MAST4: variants seen among roughly 807,000 people sequenced by gnomAD.
The protein encoded by MAST4 is microtubule associated serine/threonine kinase family member 4, also known as microtubule-associated serine/threonine-protein kinase 4.
A neutral mutation model predicts 162.7 loss-of-function variants in MAST4; 89 were observed. That is an observed-to-expected ratio of 0.55 (90% CI 0.46 to 0.65). The LOEUF (loss-of-function observed/expected upper bound fraction) is 0.65, where lower values mean the gene tolerates loss of function less well. Among genes scored for constraint, MAST4 ranks in the 30% least tolerant of loss-of-function variants. MAST4 has a pLI of 0.00. For synonymous variants in MAST4, 1,479 were observed against 1,361.1 expected (o/e 1.09, Z -1.91); for missense variants, 3,153 against 3,374.0 (o/e 0.93, Z 1.62).
chr5:67,069,733 T>C (rs757698702), intron 5 of MAST4, among the ~76,000 whole-genome samples: 1 of 152,100 alleles, frequency 6.6e-6, no homozygotes, highest in Non-Finnish European at 1.5e-5. Flanking sequence ...ACATCCCAGT[T>C]TGTGGTAGTT....
rs56870286 is a variant in MAST4 at position 67,030,856 on chromosome 5, T to G, written c.675-23548T>G. On this transcript the variant is annotated intron_variant, in intron 4 of 28. Transcript: ENST00000403625. Reference sequence around the variant, plus strand: ...TTAGTATTTTAGTGCAATAGAACATTGTGCTAAAGAGGCCAAGGTCATGGG... The same window carrying G: ...TTAGTATTTTAGTGCAATAGAACATGGTGCTAAAGAGGCCAAGGTCATGGG... Among the ~76,000 whole-genome samples the G allele has an allele frequency of 3.5e-3, 526 of 152,238 alleles. 2 individuals carry two copies. The highest frequency in any genetic ancestry group is 0.012 in the African/African-American group (486 of 41,538).
chr5:66,711,557 CA>C (rs1252352329), intron 1 of MAST4, among the ~76,000 whole-genome samples: 1 of 152,144 alleles, frequency 6.6e-6, no homozygotes, highest in Non-Finnish European at 1.5e-5. Flanking sequence ...TTTTGAGGCC[CA>C]GAGCAGTGGC....
intron 1 of MAST4, among the ~76,000 whole-genome samples, chr5:66,663,866 G>A (rs1156541316): frequency 1.3e-5 from 2 of 152,202 alleles, no homozygotes; most frequent in Admixed American, 1.3e-4. Context: ...AGGATAGATT[G>A]TGGGAGGCTA....
chr5:66,870,784 CA>C (rs1390191696), intron 3 of MAST4: 1 of 471,480 alleles, frequency 2.1e-6, no homozygotes, highest in Non-Finnish European at 4.4e-6. Context: ...TCAGGAAGGG[CA>C]GCCTCCGAAG....
chr5:66,692,808 A>G (rs1749134383), intron 1 of MAST4, among the ~76,000 whole-genome samples: 1 of 152,122 alleles, frequency 6.6e-6, no homozygotes, highest in Non-Finnish European at 1.5e-5. Context: ...GGGAGTATAT[A>G]CATACTCAAA....
chr5:67,110,077 C>G, intron 10 of MAST4, 21 bp from the exon 11 acceptor site: 1 of 1,562,796 alleles, frequency 6.4e-7, no homozygotes, highest in Non-Finnish European at 8.8e-7. Context: ...CATCATCACT[C>G]TCTTTATTGC....
At chr5:67,099,308 C>T (rs1764768366) in intron 7 of MAST4, among the ~76,000 whole-genome samples, 1 of 151,888 alleles carries the variant, frequency 6.6e-6, no homozygotes, top group Non-Finnish European at 1.5e-5. Context: ...TAGTAGTGCT[C>T]TCATTTTTTT....
chr5:67,015,976 T>C (rs1351171501), intron 4 of MAST4, among the ~76,000 whole-genome samples: 2 of 152,216 alleles, frequency 1.3e-5, no homozygotes, highest in Non-Finnish European at 2.9e-5. Flanking sequence ...ATGCCAAATA[T>C]TTATTGAGTA....
intron 1 of MAST4, among the ~76,000 whole-genome samples, chr5:66,729,984 G>A (rs1023554931): frequency 3.9e-5 from 6 of 152,194 alleles, no homozygotes; most frequent in Admixed American, 3.9e-4. Context: ...GTTGTTCTTT[G>A]AACCTAGGGT....
chr5:67,156,036 G>C (rs1204445348), intron 26 of MAST4, among the ~76,000 whole-genome samples: 2 of 150,470 alleles, frequency 1.3e-5, no homozygotes, highest in African/African-American at 4.9e-5. Flanking sequence ...TCCAGCCTGG[G>C]CGACAGAGTG....
chr5:67,044,020 G>A (rs1473185091), intron 4 of MAST4, among the ~76,000 whole-genome samples: 1 of 152,164 alleles, frequency 6.6e-6, no homozygotes, highest in Non-Finnish European at 1.5e-5. Context: ...GGCCAGCCAG[G>A]TCATAGCCGC....
chr5:67,044,661 C>CA (rs1206833275), intron 4 of MAST4, among the ~76,000 whole-genome samples: 1 of 152,140 alleles, frequency 6.6e-6, no homozygotes, highest in Non-Finnish European at 1.5e-5. Flanking sequence ...CTAAGGCACA[C>CA]ACCAGCATGC....
intron 3 of MAST4, among the ~76,000 whole-genome samples, chr5:66,841,872 T>C (rs964812110): frequency 1.1e-4 from 16 of 152,312 alleles, no homozygotes; most frequent in Middle Eastern, 3.4e-3. Flanking sequence ...CTCATTTCTT[T>C]AAGCTGAGTT....
intron 4 of MAST4, among the ~76,000 whole-genome samples, chr5:66,944,468 AC>A (rs1743746545): frequency 6.6e-6 from 1 of 152,140 alleles, no homozygotes; most frequent in African/African-American, 2.4e-5. Context: ...AGGCTCTAGA[AC>A]TTCTTTCTAA....
rs1774358983 is a variant in MAST4, at chr5:67,169,226, G to A, written c.*2175G>A. The A allele has an allele frequency of 6.6e-6, 1 of 152,118 alleles. No individual in the cohort carries two copies. The highest frequency in any genetic ancestry group is 2.4e-5 in the African/African-American group (1 of 41,420). The allele number at this position is 152,118 out of a possible 1,614,324, so 9.4% of individuals were successfully genotyped here. A position where few individuals can be genotyped will look rare whatever the true frequency, so the allele number is the denominator to read the frequency against. Reference sequence around the variant, plus strand: ...ATTTGTTTACAAATGATATTTTTATGTATATTTTGTATAGTGTATCATCAT... The same window carrying A: ...ATTTGTTTACAAATGATATTTTTATATATATTTTGTATAGTGTATCATCAT... On this transcript the variant is annotated 3_prime_UTR_variant, in exon 29 of 29. Coordinates refer to ENST00000403625, the MANE Select transcript of MAST4 (RefSeq NM_001164664.2).
intron 1 of MAST4, among the ~76,000 whole-genome samples, chr5:66,750,810 T>G (rs1170376707): frequency 6.6e-6 from 1 of 152,236 alleles, no homozygotes; most frequent in South Asian, 2.1e-4. Flanking sequence ...CAAGGAGGCC[T>G]GCCTGCCTCT....
chr5:66,846,269 A>G (rs562255833), intron 3 of MAST4, among the ~76,000 whole-genome samples: 1 of 152,208 alleles, frequency 6.6e-6, no homozygotes, highest in African/African-American at 2.4e-5. Flanking sequence ...TAGAAGTTGT[A>G]TCTGGGATAA....
At chr5:66,967,022 TTATAA>T (rs1454504951) in intron 4 of MAST4, among the ~76,000 whole-genome samples, 1 of 152,192 alleles carries the variant, frequency 6.6e-6, no homozygotes, top group Non-Finnish European at 1.5e-5. Context: ...TGGTCTAATA[TTATAA>T]ATTGCAAGAC....
At chr5:66,828,432 C>T (rs16895698) in intron 3 of MAST4, among the ~76,000 whole-genome samples, 8,706 of 152,202 alleles carry the variant, frequency 0.057, 345 homozygotes, top group Non-Finnish European at 0.084. Flanking sequence ...TGTCTGTCAC[C>T]GCTGATTTAC....
Sources: gnomAD v4.1 joint callset for allele counts (sites outside exome capture counted in the v4.1 genomes callset) on GRCh38, gnomAD v4.1.1 for gene constraint, MANE v1.5 for transcripts, NCBI Gene and HGNC (gene_info 2026-07-23, HGNC 2026-07-21) for gene names.